The following P3H3 variants were observed in gnomAD, a reference collection of about 807,000 sequenced individuals.
The protein encoded by P3H3 is prolyl 3-hydroxylase 3.
P3H3 carries 64 observed loss-of-function variants against 78.1 expected under a neutral mutation model. The ratio of observed to expected loss-of-function variants is 0.82; its 90% CI spans 0.67 to 1.01. P3H3 has a LOEUF of 1.01. Among genes scored for constraint, P3H3 ranks in the 50% least tolerant of loss-of-function variants. P3H3 has a pLI of 0.00. For synonymous variants in P3H3, 425 were observed against 416.7 expected (o/e 1.02, Z -0.24); for missense variants, 975 against 982.2 (o/e 0.99, Z 0.10).
In P3H3 at chr12:6,828,955, G is replaced by A; in HGVS notation, c.498+17G>A. 3 of 1,206,364 alleles carry A rather than the reference G, an allele frequency of 2.5e-6. No individual in the cohort carries two copies. Among genetic ancestry groups the A allele is most frequent in the African/African-American group, 1.6e-5 (1 of 63,928 alleles). 74.7% of individuals were successfully genotyped at this position (1,206,364 alleles called of 1,614,324 possible). ...TATTACCAGGTGGGGAGCGGGCCGGGCAGCTCCGAGGGTCCCAGCCCTCAC... is the reference window on the plus strand; with the variant it reads ...TATTACCAGGTGGGGAGCGGGCCGGACAGCTCCGAGGGTCCCAGCCCTCAC... On this transcript the variant is annotated intron_variant, in intron 1 of 14. Coordinates refer to ENST00000290510, the MANE Select transcript of P3H3 (RefSeq NM_014262.5).
At chr12:6,836,235 G>GCAA (rs1943494621) in intron 9 of P3H3, among the ~76,000 whole-genome samples, 1 of 142,392 alleles carries the variant, frequency 7.0e-6, no homozygotes. Flanking sequence ...AACAAAAAAT[G>GCAA]AAAAAAAAAA....
rs149321043 is a variant in P3H3 at position 6,829,818 on chromosome 12, C to G, written c.499-41C>G. 84 of 1,612,030 alleles carry G rather than the reference C, an allele frequency of 5.2e-5. No homozygotes were observed. In the African/African-American group the frequency reaches 8.1e-4, roughly 16 times the overall value. On this transcript the variant is annotated intron_variant, in intron 1 of 14. Coordinates refer to ENST00000290510, the MANE Select transcript of P3H3 (RefSeq NM_014262.5). The surrounding 1 kb of genome is among the most constrained non-coding windows in gnomAD (Gnocchi z 5.1). ...GGCCAGGGGGCAGAGGTCTGCCCCC[C>G]GTCCCAGGGCTCTGATGCCCTCCTC... is the stretch of plus-strand genomic sequence containing the variant.
intron 6 of P3H3, among the ~76,000 whole-genome samples, 195 bp downstream of exon 6, chr12:6,832,109 TC>T: frequency 6.6e-6 from 1 of 152,320 alleles, no homozygotes; most frequent in Non-Finnish European, 1.5e-5. Context: ...ATGTCAGTCC[TC>T]CTCTGCCCCA....
Position 6,831,045 on chromosome 12 carries a change from C to A in P3H3, c.986-171C>A. 1 of 921,782 alleles carries A rather than the reference C, an allele frequency of 1.1e-6. No homozygotes were observed. The highest frequency in any genetic ancestry group is 1.8e-6 in the Non-Finnish European group (1 of 562,344). 57.1% of individuals were successfully genotyped at this position (921,782 alleles called of 1,614,324 possible). On this transcript the variant is annotated intron_variant, in intron 4 of 14. Transcript: ENST00000290510. This position sits in a 1 kb window ranked among gnomAD's most constrained non-coding sequence, Gnocchi z 4.6. Reference sequence around the variant, plus strand: ...ACTCTCCAGCTAAGGTATGTTTGCACCAGTGTTTGAAAGAACCGGCAGCTG... The same window carrying A: ...ACTCTCCAGCTAAGGTATGTTTGCAACAGTGTTTGAAAGAACCGGCAGCTG...
chr12:6,837,311 T>C (rs1176878202), intron 10 of P3H3, 112 bp from the exon 11 acceptor site: 9 of 1,431,658 alleles, frequency 6.3e-6, no homozygotes, highest in African/African-American at 2.8e-5. Flanking sequence ...AGCTGGATGC[T>C]GACAGACTCC....
At position 6,828,704 on chromosome 12, in the gene P3H3, G is replaced by C. The variant is rs1555120828; in HGVS notation, c.264G>C (p.Ala88=). Residue 88 remains alanine, a synonymous_variant, in exon 1 of 15, where the codon GCG becomes GCC. Transcript: ENST00000290510. ...GASCAADPGA[A]LPAVLLGAPE... is the part of the protein sequence containing the mutation. ...GCTGCGCGGCCGATCCGGGCGCCGC[G>C]CTCCCCGCCGTGCTTCTCGGGGCCC... 16 of 1,246,042 alleles carry C rather than the reference G, an allele frequency of 1.3e-5. No individual in the cohort carries two copies. The highest frequency in any genetic ancestry group is 1.5e-5 in the Non-Finnish European group (15 of 995,796). The allele number at this position is 1,246,042 out of a possible 1,614,324, so 77.2% of individuals were successfully genotyped here.
Position 6,831,751 on chromosome 12 carries a change from C to A in P3H3, c.1123-74C>A. The stretch of plus-strand genomic sequence containing the variant: ...CCAGGTTCAAGGAGCATGGAGCACC[C>A]AGGCAGTGCCCTAGAGCCGGCGCTT... On this transcript the variant is annotated intron_variant, in intron 5 of 14. Transcript: ENST00000290510. The surrounding 1 kb of genome is among the most constrained non-coding windows in gnomAD (Gnocchi z 4.6). 1 of 914,002 alleles carries A rather than the reference C, an allele frequency of 1.1e-6. No homozygotes were observed. The highest frequency in any genetic ancestry group is 1.4e-5 in the South Asian group (1 of 71,290). The allele number at this position is 914,002 out of a possible 1,614,324, so 56.6% of individuals were successfully genotyped here.
chr12:6,830,461 C>G lies in P3H3; in HGVS notation c.760C>G (p.Arg254Gly). The change falls in exon 3 of 15, where the codon CGT (arginine) becomes GGT (glycine). Residue 254 changes from arginine to glycine, a missense_variant. Transcript: ENST00000290510. ...GAGCCTGGCCCAGATGGAGAGCTGC[C>G]GTGCTGACTGTGAGGGGCCTGAGGA... Reference protein sequence around the residue: ...QGSLAQMESCRADCEGPEEQQ... With the variant: ...QGSLAQMESCGADCEGPEEQQ... The G allele has an allele frequency of 6.3e-7, 1 of 1,587,776 alleles. No homozygotes were observed. Among genetic ancestry groups the G allele is most frequent in the Non-Finnish European group, 8.6e-7 (1 of 1,168,162 alleles).
In P3H3 at chr12:6,828,759, C is replaced by T; in HGVS notation, c.319C>T (p.Gln107Ter). The change falls in exon 1 of 15, where the codon CAG becomes TAG. Residue 107 changes from glutamine to a stop codon, truncating the protein, a stop_gained. Transcript: ENST00000290510. LOFTEE classifies it high-confidence loss of function. The part of the protein sequence containing the change: ...PEPDSGPGPT[Q>*]GSWERQLLRA... Reference sequence around the variant, plus strand: ...GCCCGACTCCGGGCCGGGACCCACGCAGGGGTCCTGGGAGCGACAGCTTCT... The same window carrying T: ...GCCCGACTCCGGGCCGGGACCCACGTAGGGGTCCTGGGAGCGACAGCTTCT... 1 of 1,244,224 alleles carries T rather than the reference C, an allele frequency of 8.0e-7. No homozygotes were observed. Among genetic ancestry groups the T allele is most frequent in the Non-Finnish European group, 1.0e-6 (1 of 994,246 alleles). The allele number at this position is 1,244,224 out of a possible 1,614,324, so 77.1% of individuals were successfully genotyped here. A position where few individuals can be genotyped will look rare whatever the true frequency, so the allele number is the denominator to read the frequency against.
At chr12:6,830,087 C>G (rs948267250) in intron 2 of P3H3, 76 bp downstream of exon 2, 19 of 1,561,268 alleles carry the variant, frequency 1.2e-5, no homozygotes, top group African/African-American at 2.7e-5. Flanking sequence ...CTAAACTGTG[C>G]GTTGTGCTGC....
intron 2 of P3H3, 39 bp from the exon 3 acceptor site, chr12:6,830,314 C>T: frequency 1.3e-6 from 2 of 1,551,022 alleles, no homozygotes; most frequent in Non-Finnish European, 1.7e-6. Context: ...TTTGGCAACC[C>T]CTGGATCTTA....
At chr12:6,835,802 G>A (rs935463585) in intron 9 of P3H3, among the ~76,000 whole-genome samples, 1 of 152,086 alleles carries the variant, frequency 6.6e-6, no homozygotes, top group African/African-American at 2.4e-5. Context: ...TAGGACGGTT[G>A]ACTTTTGCAT....
chr12:6,830,793 C>T (rs782281965), intron 4 of P3H3, 23 bp downstream of exon 4: 21 of 1,613,146 alleles, frequency 1.3e-5, no homozygotes, highest in Middle Eastern at 1.6e-4. Context: ...AGGGTGGAAA[C>T]GGGGAGTGAA....
Position 6,829,672 on chromosome 12 carries a change from A to G in P3H3, c.499-187A>G. 3 of 628,176 alleles carry G rather than the reference A, an allele frequency of 4.8e-6. 1 individual carries two copies. The highest frequency in any genetic ancestry group is 5.6e-5 in the East Asian group (2 of 35,638). The allele number at this position is 628,176 out of a possible 1,614,324, so 38.9% of individuals were successfully genotyped here. ...TTTCCCTCGGTGCCAGCCTTCTGAG[A>G]GTCCCAACGTTCTGGCCTCTAGGGG... On this transcript the variant is annotated intron_variant, in intron 1 of 14. Transcript: ENST00000290510. This position sits in a 1 kb window ranked among gnomAD's most constrained non-coding sequence, Gnocchi z 5.1.
rs1943415180 is a variant in P3H3 at position 6,828,896 on chromosome 12, C to T, written c.456C>T (p.Arg152=). 4 of 1,246,688 alleles carry T rather than the reference C, an allele frequency of 3.2e-6. No homozygotes were observed. The highest frequency in any genetic ancestry group is 4.2e-5 in the Admixed American group (1 of 23,746). 77.2% of individuals were successfully genotyped at this position (1,246,688 alleles called of 1,614,324 possible). The change falls in exon 1 of 15, where the codon CGC becomes CGT. Residue 152 remains arginine (R), a synonymous_variant. Transcript: ENST00000290510. ...RVGSALRDAF[R]RREPYNYLQR... is the part of the protein sequence containing the mutation. The stretch of plus-strand genomic sequence containing the variant: ...GGAGCGCGCTCCGGGACGCCTTCCG[C>T]CGTCGGGAGCCCTACAACTACCTGC...
rs782630463 is a variant in P3H3, at chr12:6,837,783, G to A, written c.1763G>A (p.Cys588Tyr). ...DLSHPVHADNCVLDPDTGECW... is the reference protein window; with the variant it reads ...DLSHPVHADNYVLDPDTGECW... ...AGTCACCCAGTGCACGCAGACAACT[G>A]CGTCCTGGACCCTGACACGGGAGAG... The change falls in exon 12 of 15, where the codon TGC becomes TAC. Residue 588 changes from cysteine (C) to tyrosine (Y), a missense_variant. Coordinates refer to ENST00000290510, the MANE Select transcript of P3H3 (RefSeq NM_014262.5). 6.2e-7 allele frequency: 1 copy of A among 1,613,508 alleles called. No individual in the cohort carries two copies. The highest frequency in any genetic ancestry group is 1.1e-5 in the South Asian group (1 of 90,920).
Position 6,828,654 on chromosome 12 carries a change from C to T in P3H3, c.214C>T (p.Arg72Trp), listed in dbSNP as rs1392677523. ...GCTGCGGAGCCAGGCGGCGCTGGGC[C>T]GGGTGCGGCTGGATTGCGGGGCGAG... The part of the protein sequence containing the change: ...EALRSQAALG[R>W]VRLDCGASCA... Residue 72 changes from arginine to tryptophan, a missense_variant, in exon 1 of 15, where the codon CGG becomes TGG. Coordinates refer to ENST00000290510, the MANE Select transcript of P3H3 (RefSeq NM_014262.5). The T allele has an allele frequency of 3.3e-6, 4 of 1,227,202 alleles. No individual in the cohort carries two copies. The highest frequency in any genetic ancestry group is 3.0e-6 in the Non-Finnish European group (3 of 984,918). 76.0% of individuals were successfully genotyped at this position (1,227,202 alleles called of 1,614,324 possible). A position where few individuals can be genotyped will look rare whatever the true frequency, so the allele number is the denominator to read the frequency against.
In P3H3 at chr12:6,833,810, G is replaced by C; in HGVS notation, c.1333+1G>C. 2 of 1,612,092 alleles carry C rather than the reference G, an allele frequency of 1.2e-6. No homozygotes were observed. The highest frequency in any genetic ancestry group is 1.7e-6 in the Non-Finnish European group (2 of 1,178,214). On this transcript the variant is annotated splice_donor_variant, in intron 8 of 14. Transcript: ENST00000290510. LOFTEE classifies it high-confidence loss of function. ...CCAAAGCCCTTGACCTACTGGAAGGGTGAGTTCCTGGGAGGGAGAAGGCAG... is the reference window on the plus strand; with the variant it reads ...CCAAAGCCCTTGACCTACTGGAAGGCTGAGTTCCTGGGAGGGAGAAGGCAG...
In P3H3 at chr12:6,837,398, C is replaced by G. The variant is rs782112923; in HGVS notation, c.1561-25C>G. 3.1e-6 allele frequency: 5 copies of G among 1,598,450 alleles called. No homozygotes were observed. The African/African-American group carries it at 6.7e-5, about 21-fold the overall frequency. On this transcript the variant is annotated intron_variant, in intron 10 of 14. Transcript: ENST00000290510. ...ACCCTCCCCTTGCCTTCCTCCTTTT[C>G]TGCCCTGCCTTTCACTGCCTGCAGC...
Sources: allele counts gnomAD v4.1 joint callset (sites outside exome capture counted in the v4.1 genomes callset), GRCh38; gene constraint gnomAD v4.1.1; non-coding constraint Gnocchi (gnomAD v3.1); transcripts MANE v1.5; gene names NCBI Gene and HGNC (gene_info 2026-07-23, HGNC 2026-07-21).